NLRP1: variants seen among roughly 807,000 people sequenced by gnomAD.
NLRP1 encodes the protein NLR family pyrin domain containing 1.
Under a neutral mutation model 136.7 loss-of-function variants are expected in NLRP1, and 94 were observed. That is an observed-to-expected ratio of 0.69 (90% CI 0.58 to 0.82). The LOEUF is 0.82. Among genes scored for constraint, NLRP1 ranks in the 40% least tolerant of loss-of-function variants. The pLI is 0.00. For missense variants in NLRP1, 1,575 were observed against 1,802.7 expected (o/e 0.87, Z 2.29); for synonymous variants, 690 against 725.1 (o/e 0.95, Z 0.78).
Position 5,558,236 on chromosome 17 carries a change from C to T in NLRP1, c.2357+103G>A, listed in dbSNP as rs1914312677. On this transcript the variant is annotated intron_variant, in intron 4 of 16. Transcript: ENST00000572272. ...CTGGAGACCCTGATCCTTTAGCCAC[C>T]CCCACCCCCGGCCAGGCTCAGTGAG... The T allele has an allele frequency of 3.5e-5, 46 of 1,307,788 alleles. No homozygotes were observed. In the South Asian group the frequency reaches 5.5e-4, roughly 16 times the overall value. 81.0% of individuals were successfully genotyped at this position (1,307,788 alleles called of 1,614,324 possible). A position where few individuals can be genotyped will look rare whatever the true frequency, so the allele number is the denominator to read the frequency against.
At position 5,517,362 on chromosome 17, in the gene NLRP1, C is replaced by CG. The variant is rs1294248524; in HGVS notation, c.4057+383_4057+384insC. Reference sequence around the variant, plus strand: ...TAGTGCACTCTGCACCCCCCCCCCTCCCACATACACAGACTTTCTTCCATT... The same window carrying CG: ...TAGTGCACTCTGCACCCCCCCCCCTCGCCACATACACAGACTTTCTTCCATT... On this transcript the variant is annotated intron_variant, in intron 15 of 16. Transcript: ENST00000572272. Among the ~76,000 whole-genome samples the CG allele has an allele frequency of 2.0e-3, 126 of 61,560 alleles. 18 individuals are homozygous for CG. Among genetic ancestry groups the CG allele is most frequent in the African/African-American group, 3.9e-3 (75 of 19,154 alleles). 40.4% of individuals were successfully genotyped at this position (61,560 alleles called of 152,430 possible).
downstream of NLRP1, among the ~76,000 whole-genome samples, chr17:5,510,625 C>T (rs577605667): frequency 7.9e-5 from 12 of 152,134 alleles, no homozygotes; most frequent in African/African-American, 2.4e-4. Context: ...CCTTGACATC[C>T]CAAAGTGCTA....
At chr17:5,570,105 A>C (rs1434959930) in intron 3 of NLRP1, among the ~76,000 whole-genome samples, 2 of 152,122 alleles carry the variant, frequency 1.3e-5, no homozygotes, top group Non-Finnish European at 2.9e-5. Context: ...TCTGGGACAC[A>C]GATAAAGCAG....
downstream of NLRP1, among the ~76,000 whole-genome samples, chr17:5,511,122 A>C (rs1163302972): frequency 6.6e-6 from 1 of 152,136 alleles, no homozygotes; most frequent in Non-Finnish European, 1.5e-5. Flanking sequence ...TCAGAATTCT[A>C]GCTGTTGCTA....
chr17:5,532,133 GC>G (rs1294949230), intron 11 of NLRP1, among the ~76,000 whole-genome samples: 2 of 152,156 alleles, frequency 1.3e-5, no homozygotes, highest in Non-Finnish European at 2.9e-5. Flanking sequence ...TGTAGTCCCA[GC>G]TACTAGAGAG....
chr17:5,539,369 C>G (rs201814935), intron 7 of NLRP1, 46 bp downstream of exon 7: 4 of 1,557,226 alleles, frequency 2.6e-6, no homozygotes, highest in South Asian at 1.2e-5. Flanking sequence ...TCCGATACCC[C>G]CCCAACCCTC....
At chr17:5,530,165 T>G in intron 12 of NLRP1, 1 of 478,708 alleles carries the variant, frequency 2.1e-6, no homozygotes, top group African/African-American at 2.0e-5. Context: ...TTTGAAAAGC[T>G]TCTTCAAAAA....
chr17:5,534,730 T>C (rs901693589), intron 8 of NLRP1, among the ~76,000 whole-genome samples: 3 of 152,136 alleles, frequency 2.0e-5, no homozygotes, highest in African/African-American at 4.8e-5. Flanking sequence ...ACCTGACCCA[T>C]CACTTGGCTG....
rs35078343 is a variant in NLRP1 at position 5,502,291 on chromosome 17, C to CT, written c.4070-420dup. 755 of 154,722 alleles carry CT rather than the reference C, an allele frequency of 4.9e-3. 1 individual carries two copies. The highest frequency in any genetic ancestry group is 0.015 in the South Asian group (107 of 7,122). 9.6% of individuals were successfully genotyped at this position (154,722 alleles called of 1,614,324 possible). ...TTGAGAATGTAAAATGGTGCAGTTCCTTTTTTTTTTTTTTTTGAGACGGGG... is the reference window on the plus strand; with the variant it reads ...TTGAGAATGTAAAATGGTGCAGTTCCTTTTTTTTTTTTTTTTTGAGACGGGG... On this transcript the variant is annotated intron_variant, in intron 15 of 15. Coordinates refer to the NLRP1 transcript ENST00000262467.
chr17:5,514,837 C>G lies in NLRP1; in HGVS notation c.4339G>C (p.Ala1447Pro). The change falls in exon 17 of 17, where the codon GCC becomes CCC. Residue 1447 changes from alanine to proline, a missense_variant. Ala to Pro is a conservative substitution (Grantham distance 27). Coordinates refer to ENST00000572272, the MANE Select transcript of NLRP1 (RefSeq NM_033004.4). ...DRKCKDGLYQALKETHPHLIM... is the reference protein window; with the variant it reads ...DRKCKDGLYQPLKETHPHLIM... ...AGGTGAGGATGGGTCTCCTTCAGGGCTTGGTAGAGTCCATCTTTGCACTTC... is the reference window on the plus strand; with the variant it reads ...AGGTGAGGATGGGTCTCCTTCAGGGGTTGGTAGAGTCCATCTTTGCACTTC... 1 of 1,614,118 alleles carries G rather than the reference C, an allele frequency of 6.2e-7. No individual in the cohort carries two copies. The highest frequency in any genetic ancestry group is 8.5e-7 in the Non-Finnish European group (1 of 1,180,022).
At chr17:5,524,878 G>A (rs1909336455) in intron 12 of NLRP1, among the ~76,000 whole-genome samples, 1 of 152,168 alleles carries the variant, frequency 6.6e-6, no homozygotes. Flanking sequence ...CCAGGACCGA[G>A]AGGGCTCCTG....
Position 5,533,293 on chromosome 17 carries a change from G to A in NLRP1, c.3133+11C>T, listed in dbSNP as rs543732590. On this transcript the variant is annotated intron_variant, in intron 10 of 16. Coordinates refer to ENST00000572272, the MANE Select transcript of NLRP1 (RefSeq NM_033004.4). ...CAAAAGATGAAAGGGGCCAGGCACC[G>A]TGGCTCTTGCCTGCAATCTCAGCAA... is the stretch of plus-strand genomic sequence containing the variant. 3.0e-5 allele frequency: 46 copies of A among 1,551,456 alleles called. 1 individual carries two copies. In the East Asian group the frequency reaches 6.8e-4, roughly 23 times the overall value.
chr17:5,568,700 G>A (rs1915574909), intron 3 of NLRP1, among the ~76,000 whole-genome samples: 1 of 152,110 alleles, frequency 6.6e-6, no homozygotes, highest in Non-Finnish European at 1.5e-5. Context: ...TTTTTGGAAA[G>A]GCTTTCCAGA....
intron 3 of NLRP1, among the ~76,000 whole-genome samples, chr17:5,562,026 T>A (rs1271805592): frequency 6.6e-6 from 1 of 151,762 alleles, no homozygotes; most frequent in Admixed American, 6.6e-5. Flanking sequence ...TGGTCCTAAT[T>A]CTGTCTGAAT....
At chr17:5,539,153 G>A (rs2151770132) in intron 7 of NLRP1, among the ~76,000 whole-genome samples, 1 of 152,300 alleles carries the variant, frequency 6.6e-6, no homozygotes, top group South Asian at 2.1e-4. Context: ...TTACAGGCGT[G>A]AGCCACCACG....
chr17:5,558,589 A>T lies in NLRP1; in HGVS notation c.2107T>A (p.Trp703Arg). ...RLSQGRNLMQ[W>R]VPSLQLLLQP... Reference sequence around the variant, plus strand: ...AGCAGCAGCTGCAGGGACGGGACCCACTGCATCAGGTTCCTCCCCTGAGAC... The same window carrying T: ...AGCAGCAGCTGCAGGGACGGGACCCTCTGCATCAGGTTCCTCCCCTGAGAC... The change falls in exon 4 of 17, where the codon TGG becomes AGG. Residue 703 changes from tryptophan (W) to arginine (R), a missense_variant. Trp to Arg is a moderately radical substitution (Grantham distance 101). Coordinates refer to ENST00000572272, the MANE Select transcript of NLRP1 (RefSeq NM_033004.4). 6.2e-7 allele frequency: 1 copy of T among 1,614,044 alleles called. No individual in the cohort carries two copies. Among genetic ancestry groups the T allele is most frequent in the South Asian group, 1.1e-5 (1 of 91,074 alleles).
chr17:5,559,314 G>C lies in NLRP1; in HGVS notation c.1382C>G (p.Thr461Arg). Residue 461 changes from threonine (T) to arginine (R), a missense_variant, in exon 4 of 17, where the codon ACA becomes AGA. Coordinates refer to ENST00000572272, the MANE Select transcript of NLRP1 (RefSeq NM_033004.4). ...AGAAGGAATGAGGTTCTGCAGAGCT[G>C]TGGTCCGAGCCGTGATCAGGAAGGA... is the stretch of plus-strand genomic sequence containing the variant. ...EASFLITART[T>R]ALQNLIPSLE... is the part of the protein sequence containing the mutation. 1 of 1,614,150 alleles carries C rather than the reference G, an allele frequency of 6.2e-7. No individual in the cohort carries two copies. The highest frequency in any genetic ancestry group is 1.7e-5 in the Admixed American group (1 of 60,024).
chr17:5,532,823 G>C lies in NLRP1; in HGVS notation c.3295C>G (p.Arg1099Gly), dbSNP rs769539719. 1.3e-6 allele frequency: 2 copies of C among 1,596,050 alleles called. No homozygotes were observed. The highest frequency in any genetic ancestry group is 1.8e-5 in the Admixed American group (1 of 55,896). ...EVVDKEKNLY[R>G]VHFPVAGSYR... ...GACCAGCAGAGCCCCCTCACTCACC[G>C]GTACAAGTTCTTTTCTTTGTCAACT... Residue 1099 changes from arginine to glycine, a missense_variant and splice_region_variant, in exon 11 of 17, where the codon CGA (arginine) becomes GGA (glycine). Physicochemically the swap from Arg to Gly is moderately radical, Grantham distance 125. Transcript: ENST00000572272.
At position 5,558,499 on chromosome 17, in the gene NLRP1, G is replaced by C. The variant is rs199674811; in HGVS notation, c.2197C>G (p.Gln733Glu). 2.5e-6 allele frequency: 4 copies of C among 1,614,042 alleles called. No individual in the cohort carries two copies. Among genetic ancestry groups the C allele is most frequent in the Non-Finnish European group, 3.4e-6 (4 of 1,180,004 alleles). ...ATTTCTTCGAAATGGGCCATCACTT[G>C]TGTCAGGAACGTTTTGTTCCGAGTC... ...YETRNKTFLT[Q>E]VMAHFEEMGM... Residue 733 changes from glutamine (Q) to glutamate (E), a missense_variant, in exon 4 of 17, where the codon CAA becomes GAA. By Grantham distance (29) the Gln-to-Glu change is conservative (BLOSUM62 2). Coordinates refer to ENST00000572272, the MANE Select transcript of NLRP1 (RefSeq NM_033004.4).
Sources: allele counts gnomAD v4.1 joint callset (sites outside exome capture counted in the v4.1 genomes callset), GRCh38; gene constraint gnomAD v4.1.1; transcripts MANE v1.5; gene names NCBI Gene and HGNC (gene_info 2026-07-23, HGNC 2026-07-21).